Variants in KIAA0825 observed in about 807,000 individuals in gnomAD.
The protein encoded by KIAA0825 is uncharacterized protein KIAA0825.
KIAA0825 carries 119 observed loss-of-function variants against 147.6 expected under a neutral mutation model. The ratio of observed to expected loss-of-function variants is 0.81; its 90% confidence interval spans 0.69 to 0.94. KIAA0825 has a LOEUF of 0.94. Among genes scored for constraint, KIAA0825 ranks in the 40% least tolerant of loss-of-function variants. The pLI, the probability that KIAA0825 is intolerant of heterozygous loss-of-function variation, is 0.00. For missense variants in KIAA0825, 1,381 were observed against 1,472.7 expected (o/e 0.94, Z 1.02); for synonymous variants, 470 against 518.1 (o/e 0.91, Z 1.26).
At chr5:94,592,658 C>T (rs899871998) in intron 1 of KIAA0825, 26 of 263,506 alleles carry the variant, frequency 9.9e-5, no homozygotes, top group African/African-American at 1.1e-4. Context: ...TTACAGTTAT[C>T]GTAATGGAAG....
At chr5:94,240,948 G>A (rs548851755) in intron 20 of KIAA0825, among the ~76,000 whole-genome samples, 3 of 152,096 alleles carry the variant, frequency 2.0e-5, no homozygotes, top group East Asian at 1.9e-4. Context: ...ACTTTATCTC[G>A]GTAAATAAAA....
At chr5:94,460,359 A>G (rs1759662201) in intron 12 of KIAA0825, among the ~76,000 whole-genome samples, 1 of 152,108 alleles carries the variant, frequency 6.6e-6, no homozygotes, top group Non-Finnish European at 1.5e-5. Flanking sequence ...TATTTTTGCA[A>G]ACAGGTTTCA....
intron 12 of KIAA0825, among the ~76,000 whole-genome samples, chr5:94,456,767 A>G (rs946816938): frequency 2.0e-5 from 3 of 152,214 alleles, no homozygotes; most frequent in African/African-American, 4.8e-5. Flanking sequence ...TATAAATAAG[A>G]TATCATTATG....
intron 20 of KIAA0825, among the ~76,000 whole-genome samples, chr5:94,274,907 T>G (rs976429481): frequency 7.2e-5 from 11 of 152,132 alleles, no homozygotes; most frequent in African/African-American, 2.7e-4. Context: ...TGACCATTTC[T>G]GAACCAATAA....
intron 20 of KIAA0825, 21 bp from the exon 21 acceptor site, chr5:94,154,145 T>C: frequency 6.8e-7 from 1 of 1,474,728 alleles, no homozygotes; most frequent in South Asian, 1.2e-5. Context: ...AATCACATCT[T>C]AGCATTTTTG....
intron 20 of KIAA0825, among the ~76,000 whole-genome samples, chr5:94,347,202 CA>C (rs1184809111): frequency 6.6e-6 from 1 of 152,190 alleles, no homozygotes; most frequent in African/African-American, 2.4e-5. Flanking sequence ...CCTGCCCCCA[CA>C]TGATGGTCCT....
intron 5 of KIAA0825, among the ~76,000 whole-genome samples, chr5:94,499,850 A>C (rs1374200492): frequency 6.6e-6 from 1 of 152,182 alleles, no homozygotes; most frequent in Non-Finnish European, 1.5e-5. Flanking sequence ...TAGAGTCCAT[A>C]TGGGGAGACA....
In KIAA0825 at chr5:94,610,423, T is replaced by C. The variant is rs1026638135; in HGVS notation, c.-153+8077A>G. On this transcript the variant is annotated intron_variant, in intron 1 of 20. Transcript: ENST00000682413. Reference sequence around the variant, plus strand: ...CAGCCTGGGTGACAGAGCAAGACTGTCTCAAAAAAAAAAAAAAGAAAAAGA... The same window carrying C: ...CAGCCTGGGTGACAGAGCAAGACTGCCTCAAAAAAAAAAAAAAGAAAAAGA... Among the ~76,000 whole-genome samples, 3 of 121,226 alleles carry C rather than the reference T, an allele frequency of 2.5e-5. No individual in the cohort carries two copies. In the Admixed American group the frequency reaches 2.7e-4, roughly 11 times the overall value. 79.5% of individuals were successfully genotyped at this position (121,226 alleles called of 152,430 possible). A position where few individuals can be genotyped will look rare whatever the true frequency, so the allele number is the denominator to read the frequency against.
At chr5:94,158,275 A>G (rs1318634760) in intron 20 of KIAA0825, among the ~76,000 whole-genome samples, 1 of 152,174 alleles carries the variant, frequency 6.6e-6, no homozygotes, top group Non-Finnish European at 1.5e-5. Context: ...GTTGCAATCG[A>G]GACAGACTAA....
At chr5:94,301,452 T>C (rs1272874316) in intron 20 of KIAA0825, among the ~76,000 whole-genome samples, 1 of 152,018 alleles carries the variant, frequency 6.6e-6, no homozygotes, top group Non-Finnish European at 1.5e-5. Context: ...CAAACATTGC[T>C]GATTACCTGC....
intron 20 of KIAA0825, among the ~76,000 whole-genome samples, chr5:94,198,620 G>A (rs1279935722): frequency 1.3e-5 from 2 of 152,078 alleles, no homozygotes; most frequent in East Asian, 3.9e-4. Context: ...CAAGGGGATG[G>A]AGAGCATTAG....
chr5:94,216,738 T>C (rs1773235750), intron 20 of KIAA0825, among the ~76,000 whole-genome samples: 1 of 152,206 alleles, frequency 6.6e-6, no homozygotes, highest in Non-Finnish European at 1.5e-5. Context: ...AGTATTAGAC[T>C]AGACAAGCCA....
intron 5 of KIAA0825, among the ~76,000 whole-genome samples, chr5:94,494,314 C>CTTTTTTTTTT (rs530332272): frequency 8.9e-6 from 1 of 111,872 alleles, no homozygotes; most frequent in African/African-American, 3.9e-5. Flanking sequence ...ATATTCAATC[C>CTTTTTTTTTT]TTTTTTTTTT....
At chr5:94,253,407 C>T (rs1037731131) in intron 20 of KIAA0825, among the ~76,000 whole-genome samples, 1 of 152,110 alleles carries the variant, frequency 6.6e-6, no homozygotes, top group Non-Finnish European at 1.5e-5. Context: ...CTAACACATG[C>T]GGTGCATGCA....
chr5:94,317,994 TAAAA>T (rs1779804734), intron 20 of KIAA0825, among the ~76,000 whole-genome samples: 1 of 151,714 alleles, frequency 6.6e-6, no homozygotes, highest in African/African-American at 2.4e-5. Context: ...ATATTTAACT[TAAAA>T]AAACAAATGC....
At chr5:94,420,952 T>C (rs1450293313) in intron 14 of KIAA0825, among the ~76,000 whole-genome samples, 1 of 152,114 alleles carries the variant, frequency 6.6e-6, no homozygotes, top group Non-Finnish European at 1.5e-5. Context: ...CTAAGCCTCA[T>C]CCTCCTCACA....
intron 20 of KIAA0825, among the ~76,000 whole-genome samples, chr5:94,161,637 T>A (rs1767597747): frequency 1.3e-5 from 2 of 152,242 alleles, no homozygotes; most frequent in Admixed American, 1.3e-4. Flanking sequence ...CATTAAATTT[T>A]TTTTCACATG....
At chr5:94,446,166 A>G (rs1204623505) in intron 13 of KIAA0825, among the ~76,000 whole-genome samples, 1 of 152,208 alleles carries the variant, frequency 6.6e-6, no homozygotes, top group Admixed American at 6.5e-5. Context: ...ATACTTTAAT[A>G]TAGCACTTAG....
At chr5:94,192,593 G>A (rs1472962072) in intron 20 of KIAA0825, among the ~76,000 whole-genome samples, 5 of 152,140 alleles carry the variant, frequency 3.3e-5, no homozygotes, top group Non-Finnish European at 7.4e-5. Context: ...TATAAGGGTA[G>A]TTCTTTATCT....
Sources: gnomAD v4.1 joint callset for allele counts (sites outside exome capture counted in the v4.1 genomes callset) on GRCh38, gnomAD v4.1.1 for gene constraint, MANE v1.5 for transcripts, NCBI Gene and HGNC (gene_info 2026-07-23, HGNC 2026-07-21) for gene names.